Variants in FHIP1A observed in about 807,000 individuals in gnomAD.
FHIP1A encodes the protein FHF complex subunit HOOK interacting protein 1A, also known as FHF complex subunit HOOK-interacting protein 1A.
FHIP1A carries 61 observed loss-of-function variants against 88.6 expected under a neutral mutation model. That is an observed-to-expected ratio of 0.69 (90% CI 0.56 to 0.85). FHIP1A has a LOEUF of 0.85. FHIP1A is among the 40% of genes least tolerant of loss of function. FHIP1A has a pLI of 0.00. For synonymous variants in FHIP1A, 478 were observed against 496.0 expected, an observed-to-expected ratio of 0.96 and a Z score of 0.48; for missense variants, 1,154 against 1,273.5, an observed-to-expected ratio of 0.91 and a Z score of 1.43.
chr4:151,500,852 T>C (rs1321195528), intron 3 of FHIP1A, among the ~76,000 whole-genome samples: 4 of 152,350 alleles, frequency 2.6e-5, no homozygotes, highest in African/African-American at 9.6e-5. Context: ...TTAAATTATA[T>C]ATTTTTCAGA....
chr4:151,453,025 T>G (rs1403113924), intron 1 of FHIP1A, among the ~76,000 whole-genome samples: 1 of 147,712 alleles, frequency 6.8e-6, no homozygotes, highest in East Asian at 2.0e-4. Flanking sequence ...GACATAGTTG[T>G]TTTTTTTTTG....
chr4:151,579,355 G>A (rs1376134172), intron 5 of FHIP1A, among the ~76,000 whole-genome samples: 7 of 152,122 alleles, frequency 4.6e-5, no homozygotes, highest in East Asian at 1.9e-4. Flanking sequence ...TTGGGGCAGC[G>A]GCTATGTGGG....
intron 2 of FHIP1A, among the ~76,000 whole-genome samples, chr4:151,478,014 T>C (rs1298133948): frequency 6.6e-6 from 1 of 152,200 alleles, no homozygotes; most frequent in Non-Finnish European, 1.5e-5. Context: ...GTATTCTGCA[T>C]ATACTGTACA....
At chr4:151,648,113 C>T (rs770937240) in intron 10 of FHIP1A, among the ~76,000 whole-genome samples, 3 of 152,082 alleles carry the variant, frequency 2.0e-5, no homozygotes, top group African/African-American at 7.2e-5. Flanking sequence ...AATTACTGTC[C>T]GGGGTAAATA....
intron 7 of FHIP1A, among the ~76,000 whole-genome samples, chr4:151,596,626 TG>T (rs751283074): frequency 6.6e-5 from 10 of 152,240 alleles, no homozygotes; most frequent in Non-Finnish European, 1.5e-4. Flanking sequence ...TTTTCCAAGT[TG>T]GCTTCATTAT....
intron 5 of FHIP1A, among the ~76,000 whole-genome samples, chr4:151,582,192 T>C (rs770040956): frequency 3.9e-5 from 6 of 152,194 alleles, no homozygotes; most frequent in Non-Finnish European, 8.8e-5. Context: ...TTTTTTGTTT[T>C]AGCAAGTTGT....
intron 3 of FHIP1A, chr4:151,534,577 G>A (rs1039509431): frequency 1.3e-5 from 2 of 151,828 alleles, no homozygotes; most frequent in Admixed American, 1.3e-4. Flanking sequence ...TATCTTAGTG[G>A]GTCTGTCAAA....
At chr4:151,499,227 C>G (rs541096800) in intron 3 of FHIP1A, among the ~76,000 whole-genome samples, 1 of 152,278 alleles carries the variant, frequency 6.6e-6, no homozygotes, top group African/African-American at 2.4e-5. Context: ...TCTTATATAC[C>G]TGAGTCCCAG....
At chr4:151,582,903 T>C (rs1186299486) in intron 5 of FHIP1A, among the ~76,000 whole-genome samples, 1 of 152,216 alleles carries the variant, frequency 6.6e-6, no homozygotes, top group Non-Finnish European at 1.5e-5. Flanking sequence ...TAAAAGTAAA[T>C]AGAATGTGCT....
rs140006208 is a variant in FHIP1A, at chr4:151,486,032, C to T, written c.-123+3384C>T. Reference sequence around the variant, plus strand: ...AACTGTTCCATCTGAGATCATCAGGCGTTAGTTAGATTCTCATAAGGAGTG... The same window carrying T: ...AACTGTTCCATCTGAGATCATCAGGTGTTAGTTAGATTCTCATAAGGAGTG... On this transcript the variant is annotated intron_variant, in intron 3 of 13. Coordinates refer to ENST00000435205, the MANE Select transcript of FHIP1A (RefSeq NM_001109977.3). Among the ~76,000 whole-genome samples, 8 of 152,294 alleles carry T rather than the reference C, an allele frequency of 5.3e-5. No individual in the cohort carries two copies. In the East Asian group the frequency reaches 7.7e-4, roughly 15 times the overall value.
intron 1 of FHIP1A, among the ~76,000 whole-genome samples, chr4:151,416,007 A>G (rs1457065199): frequency 6.6e-6 from 1 of 152,112 alleles, no homozygotes; most frequent in Non-Finnish European, 1.5e-5. Context: ...AGGAGTTCAG[A>G]AAATCCACTA....
rs1318354051 is a variant in FHIP1A, at chr4:151,663,983, C to T, written c.*1229C>T. On this transcript the variant is annotated 3_prime_UTR_variant, in exon 14 of 14. Transcript: ENST00000435205. ...CCAAGAGGCAGGATTATACTTAGAGCCACAGCCATGTTAAACCACCACCAA... is the reference window on the plus strand; with the variant it reads ...CCAAGAGGCAGGATTATACTTAGAGTCACAGCCATGTTAAACCACCACCAA... 6.6e-6 allele frequency among the ~76,000 whole-genome samples: 1 copy of T among 152,156 alleles called. No individual in the cohort carries two copies. The highest frequency in any genetic ancestry group is 2.4e-5 in the African/African-American group (1 of 41,420).
At chr4:151,446,873 CA>C (rs1728629372) in intron 1 of FHIP1A, among the ~76,000 whole-genome samples, 1 of 152,016 alleles carries the variant, frequency 6.6e-6, no homozygotes, top group Non-Finnish European at 1.5e-5. Context: ...ACAGGCTGGC[CA>C]GCACTTGAGG....
At chr4:151,435,378 T>G (rs1728128110) in intron 1 of FHIP1A, among the ~76,000 whole-genome samples, 1 of 152,172 alleles carries the variant, frequency 6.6e-6, no homozygotes, top group African/African-American at 2.4e-5. Context: ...ATAAATCTTA[T>G]AAATAAAAAT....
intron 1 of FHIP1A, among the ~76,000 whole-genome samples, chr4:151,417,801 C>A (rs1490063866): frequency 1.3e-5 from 2 of 152,122 alleles, no homozygotes; most frequent in East Asian, 3.9e-4. Flanking sequence ...ATTTTTAAAT[C>A]TCTCTAATTT....
chr4:151,551,778 A>G (rs1026488468), intron 3 of FHIP1A, among the ~76,000 whole-genome samples: 1 of 152,216 alleles, frequency 6.6e-6, no homozygotes, highest in African/African-American at 2.4e-5. Flanking sequence ...GCATGGGCAA[A>G]GACTTCATGT....
chr4:151,580,469 G>A (rs959177105), intron 5 of FHIP1A, among the ~76,000 whole-genome samples: 1 of 152,202 alleles, frequency 6.6e-6, no homozygotes, highest in Non-Finnish European at 1.5e-5. Flanking sequence ...AGAGTAGTAA[G>A]TATTAAGTGG....
chr4:151,644,236 T>C (rs888100117), intron 9 of FHIP1A, among the ~76,000 whole-genome samples: 8 of 152,078 alleles, frequency 5.3e-5, no homozygotes, highest in Non-Finnish European at 8.8e-5. Flanking sequence ...TTTTCCCAGC[T>C]CTCACCCCAG....
chr4:151,663,958 C>G lies in FHIP1A; in HGVS notation c.*1204C>G, dbSNP rs1737570365. On this transcript the variant is annotated 3_prime_UTR_variant, in exon 14 of 14. Coordinates refer to ENST00000435205, the MANE Select transcript of FHIP1A (RefSeq NM_001109977.3). ...TCCCTCTGCTGCTTTGCAGCCTGCT[C>G]CAAGAGGCAGGATTATACTTAGAGC... 6.6e-6 allele frequency among the ~76,000 whole-genome samples: 1 copy of G among 152,166 alleles called. No homozygotes were observed.
Sources: allele counts gnomAD v4.1 joint callset (sites outside exome capture counted in the v4.1 genomes callset), GRCh38; gene constraint gnomAD v4.1.1; transcripts MANE v1.5; gene names NCBI Gene and HGNC (gene_info 2026-07-23, HGNC 2026-07-21).